Variants in FSTL4 observed in about 807,000 individuals in gnomAD.
FSTL4 encodes follistatin like 4.
In FSTL4, 28 loss-of-function variants were observed where a neutral mutation model predicts 78.2. That is an observed-to-expected ratio of 0.36 (90% CI 0.27 to 0.49). The LOEUF (loss-of-function observed/expected upper bound fraction) is 0.49, where lower values mean the gene tolerates loss of function less well. FSTL4 is among the 20% of genes least tolerant of loss of function. FSTL4 has a pLI of 0.98. For missense variants in FSTL4, 922 were observed against 1,084.9 expected, an observed-to-expected ratio of 0.85 and a Z score of 2.11; for synonymous variants, 422 against 440.5, an observed-to-expected ratio of 0.96 and a Z score of 0.53.
intron 3 of FSTL4, among the ~76,000 whole-genome samples, chr5:133,544,997 T>G (rs1446961293): frequency 2.6e-5 from 4 of 152,182 alleles, no homozygotes; most frequent in Non-Finnish European, 5.9e-5. Flanking sequence ...TGTCCCTGGT[T>G]TCTGAAAGGG....
intron 4 of FSTL4, among the ~76,000 whole-genome samples, chr5:133,322,694 T>C (rs138260955): frequency 1.3e-5 from 2 of 152,296 alleles, no homozygotes; most frequent in African/African-American, 4.8e-5. Context: ...CTGAGGTTGC[T>C]CTTGGAGGAA....
chr5:133,273,576 C>G (rs1752815401), intron 6 of FSTL4, among the ~76,000 whole-genome samples: 1 of 152,152 alleles, frequency 6.6e-6, no homozygotes, highest in Non-Finnish European at 1.5e-5. Flanking sequence ...GTTCTTCGAG[C>G]TTCTCCCAAG....
the FSTL4 span, among the ~76,000 whole-genome samples, chr5:133,702,341 T>A: frequency 2.0e-5 from 3 of 152,210 alleles, no homozygotes; most frequent in South Asian, 6.2e-4. Flanking sequence ...GAGAAGGCTA[T>A]GGCTCCTCGG....
chr5:133,267,544 C>T (rs181271855), intron 6 of FSTL4, among the ~76,000 whole-genome samples: 27 of 152,276 alleles, frequency 1.8e-4, no homozygotes, highest in African/African-American at 5.1e-4. Flanking sequence ...TCCCCTGATG[C>T]CCAGGCTGGT....
At chr5:133,607,387 C>A (rs751929276) in intron 1 of FSTL4, among the ~76,000 whole-genome samples, 6 of 152,076 alleles carry the variant, frequency 3.9e-5, no homozygotes, top group Non-Finnish European at 5.9e-5. Context: ...ATAGCAATTA[C>A]GATGTGTCAG....
intron 3 of FSTL4, among the ~76,000 whole-genome samples, chr5:133,439,438 C>T (rs1052324220): frequency 6.6e-6 from 1 of 152,154 alleles, no homozygotes; most frequent in African/African-American, 2.4e-5. Flanking sequence ...ATTGATACCA[C>T]ACATTAAATT....
chr5:133,466,960 ATG>A (rs1421125154), intron 3 of FSTL4, among the ~76,000 whole-genome samples: 1 of 131,586 alleles, frequency 7.6e-6, no homozygotes, highest in Non-Finnish European at 1.5e-5. Flanking sequence ...GAGTGACTGT[ATG>A]TGTGTGTATG....
intron 3 of FSTL4, among the ~76,000 whole-genome samples, chr5:133,462,872 TA>T (rs1450705049): frequency 6.6e-6 from 1 of 152,208 alleles, no homozygotes; most frequent in Non-Finnish European, 1.5e-5. Context: ...GGGCTTTCTG[TA>T]ACCTAGAGAG....
chr5:133,644,760 G>C, the FSTL4 span, among the ~76,000 whole-genome samples: 102,870 of 152,010 alleles, frequency 0.68, 35,969 homozygotes, highest in African/African-American at 0.86. Flanking sequence ...CTCTACCTGG[G>C]TCTGTGCTTT....
chr5:133,412,715 G>A (rs768903835), intron 3 of FSTL4, among the ~76,000 whole-genome samples: 4 of 152,016 alleles, frequency 2.6e-5, no homozygotes, highest in Admixed American at 1.3e-4. Flanking sequence ...CACAGAGACC[G>A]TCATTAGCCT....
intron 3 of FSTL4, among the ~76,000 whole-genome samples, chr5:133,468,561 A>T (rs1333213807): frequency 2.6e-5 from 4 of 152,214 alleles, no homozygotes. Flanking sequence ...AGAGGAGCCC[A>T]AGCCACGGAG....
chr5:133,530,408 G>C (rs1759227255), intron 3 of FSTL4, among the ~76,000 whole-genome samples: 1 of 152,168 alleles, frequency 6.6e-6, no homozygotes, highest in Non-Finnish European at 1.5e-5. Context: ...GCCTGCTCAG[G>C]GACATTCACA....
chr5:133,621,122 C>G, the FSTL4 span, among the ~76,000 whole-genome samples: 5 of 152,110 alleles, frequency 3.3e-5, no homozygotes, highest in African/African-American at 4.8e-5. Flanking sequence ...AGCATTTGGC[C>G]GGGCTTGGTG....
intron 4 of FSTL4, among the ~76,000 whole-genome samples, chr5:133,349,768 C>T (rs920431977): frequency 3.0e-5 from 4 of 135,366 alleles, no homozygotes; most frequent in African/African-American, 1.1e-4. Context: ...TGGACTTTGT[C>T]ATGCTGCCAT....
the FSTL4 span, among the ~76,000 whole-genome samples, chr5:133,730,279 C>G: frequency 1.3e-5 from 2 of 152,174 alleles, no homozygotes; most frequent in Admixed American, 6.5e-5. Flanking sequence ...TCAACTGTGT[C>G]CCCTCATCAA....
intron 3 of FSTL4, among the ~76,000 whole-genome samples, chr5:133,425,361 A>C (rs1756790187): frequency 6.6e-6 from 1 of 152,204 alleles, no homozygotes; most frequent in Non-Finnish European, 1.5e-5. Flanking sequence ...GCTGGCAGAG[A>C]TAATGCCATC....
chr5:133,484,117 G>T (rs879314470), intron 3 of FSTL4, among the ~76,000 whole-genome samples: 3 of 152,178 alleles, frequency 2.0e-5, no homozygotes, highest in Non-Finnish European at 4.4e-5. Flanking sequence ...CTCTCCCTGG[G>T]TGTGGCACCT....
intron 4 of FSTL4, among the ~76,000 whole-genome samples, chr5:133,355,987 A>G (rs1055624329): frequency 1.3e-5 from 2 of 152,098 alleles, no homozygotes; most frequent in African/African-American, 4.8e-5. Context: ...ATCTTTTAAG[A>G]GGAAGAGGCT....
At chr5:133,436,469 G>A (rs1026057793) in intron 3 of FSTL4, among the ~76,000 whole-genome samples, 3 of 152,110 alleles carry the variant, frequency 2.0e-5, no homozygotes, top group African/African-American at 7.2e-5. Context: ...AAGGTTAATA[G>A]GGTCAGACCA....
Sources: allele counts gnomAD v4.1 joint callset (sites outside exome capture counted in the v4.1 genomes callset), GRCh38; gene constraint gnomAD v4.1.1; transcripts MANE v1.5; gene names NCBI Gene and HGNC (gene_info 2026-07-23, HGNC 2026-07-21).